ATP8B4: variants seen among roughly 807,000 people sequenced by gnomAD.
ATP8B4 encodes probable phospholipid-transporting ATPase IM.
A neutral mutation model predicts 145.6 loss-of-function variants in ATP8B4; 133 were observed. That is an observed-to-expected ratio of 0.91 (90% CI 0.79 to 1.05). The LOEUF is 1.05. Among genes scored for constraint, ATP8B4 ranks in the 50% least tolerant of loss-of-function variants. The pLI is 0.00. For missense variants in ATP8B4, 1,458 were observed against 1,425.2 expected (o/e 1.02, Z -0.37); for synonymous variants, 507 against 492.9 (o/e 1.03, Z -0.38).
chr15:49,940,677 G>C (rs2042099770), intron 14 of ATP8B4, among the ~76,000 whole-genome samples: 1 of 152,172 alleles, frequency 6.6e-6, no homozygotes, highest in Admixed American at 6.6e-5. Flanking sequence ...GGCCGAAAAT[G>C]AATCTGGAAA....
Position 50,168,858 on chromosome 15 carries a change from A to G in ATP8B4, c.-43+13403T>C, listed in dbSNP as rs896422927. Among the ~76,000 whole-genome samples the G allele has an allele frequency of 2.0e-5, 3 of 152,052 alleles. No homozygotes were observed. In the East Asian group the frequency reaches 5.8e-4, roughly 29 times the overall value. ...GTTGGTGGGGTATGGTGGGAGTGAG[A>G]CCAGCCCTTCAGGTGGCCTGGGAGC... On this transcript the variant is annotated intron_variant, in intron 1 of 3. Coordinates refer to the ATP8B4 transcript ENST00000558829.
intron 7 of ATP8B4, among the ~76,000 whole-genome samples, chr15:50,003,895 G>A (rs1195886263): frequency 2.0e-5 from 3 of 152,124 alleles, no homozygotes; most frequent in Non-Finnish European, 2.9e-5. Flanking sequence ...AGGAACATGT[G>A]ACTGAGGCGC....
chr15:50,171,289 T>C (rs1028815112), intron 1 of ATP8B4, among the ~76,000 whole-genome samples: 1 of 152,198 alleles, frequency 6.6e-6, no homozygotes, highest in African/African-American at 2.4e-5. Flanking sequence ...TCCTCCAAGA[T>C]AGACCATGTG....
intron 1 of ATP8B4, among the ~76,000 whole-genome samples, chr15:50,177,990 T>C (rs1248941596): frequency 6.6e-6 from 1 of 152,118 alleles, no homozygotes. Flanking sequence ...TTCTCTCAAA[T>C]AGCAGAGATA....
intron 24 of ATP8B4, among the ~76,000 whole-genome samples, chr15:49,878,446 G>A (rs528203264): frequency 2.0e-5 from 3 of 152,270 alleles, no homozygotes; most frequent in South Asian, 2.1e-4. Context: ...TGCAATAGAC[G>A]GCTTTGGCCC....
intron 3 of ATP8B4, among the ~76,000 whole-genome samples, chr15:50,057,934 A>C (rs1395907700): frequency 2.0e-5 from 3 of 152,206 alleles, no homozygotes; most frequent in Non-Finnish European, 4.4e-5. Flanking sequence ...TAACATTTTA[A>C]GTAGTTGCAG....
intron 3 of ATP8B4, among the ~76,000 whole-genome samples, chr15:50,073,621 G>C (rs1219155488): frequency 6.6e-6 from 1 of 152,082 alleles, no homozygotes; most frequent in Non-Finnish European, 1.5e-5. Flanking sequence ...GGGATTGCTG[G>C]GTCAAATAGT....
chr15:50,059,567 G>T (rs1446792158), intron 3 of ATP8B4, among the ~76,000 whole-genome samples: 1 of 151,958 alleles, frequency 6.6e-6, no homozygotes, highest in Non-Finnish European at 1.5e-5. Context: ...AAGGGCTCTG[G>T]CTGCAGTTCC....
At chr15:50,010,824 C>T (rs1413666119) in intron 7 of ATP8B4, 21 bp downstream of exon 7, 5 of 1,447,732 alleles carry the variant, frequency 3.5e-6, no homozygotes, top group Non-Finnish European at 4.6e-6. Context: ...ATAAATTATT[C>T]AAACAATATT....
At chr15:49,984,437 G>T (rs1489040283) in intron 10 of ATP8B4, among the ~76,000 whole-genome samples, 1 of 152,120 alleles carries the variant, frequency 6.6e-6, no homozygotes, top group South Asian at 2.1e-4. Flanking sequence ...GGAAACAAAA[G>T]GTTAGTGCAT....
At chr15:50,133,120 C>A (rs1250276047) in intron 1 of ATP8B4, among the ~76,000 whole-genome samples, 1 of 152,088 alleles carries the variant, frequency 6.6e-6, no homozygotes, top group Non-Finnish European at 1.5e-5. Context: ...TTTTAAAAAA[C>A]TTGAAGTTTT....
intron 1 of ATP8B4, among the ~76,000 whole-genome samples, chr15:50,176,948 C>A (rs1187034611): frequency 1.3e-5 from 2 of 152,166 alleles, no homozygotes; most frequent in African/African-American, 2.4e-5. Context: ...AATCTTATCA[C>A]ATACCACCTC....
chr15:49,972,713 G>C lies in ATP8B4; in HGVS notation c.1112C>G (p.Pro371Arg), dbSNP rs77004004. Residue 371 changes from proline to arginine, a missense_variant, in exon 13 of 28, where the codon CCT (proline) becomes CGT (arginine). By Grantham distance (103) the Pro-to-Arg change is moderately radical (BLOSUM62 -2). Coordinates refer to ENST00000284509, the MANE Select transcript of ATP8B4 (RefSeq NM_024837.4). ...GAGCGTGGTCGTTCGAGCCACTGCAGGTATTGCTTTTCGAGAATAATACAT... is the reference window on the plus strand; with the variant it reads ...GAGCGTGGTCGTTCGAGCCACTGCACGTATTGCTTTTCGAGAATAATACAT... Reference protein sequence around the residue: ...RKMYYSRKAIPAVARTTTLNE... With the variant: ...RKMYYSRKAIRAVARTTTLNE... 24 of 1,613,814 alleles carry C rather than the reference G, an allele frequency of 1.5e-5. 1 individual carries two copies. The highest frequency in any genetic ancestry group is 1.2e-4 in the African/African-American group (9 of 74,854).
At chr15:50,002,311 G>T in intron 7 of ATP8B4, 88 bp from the exon 8 acceptor site, 1 of 1,016,808 alleles carries the variant, frequency 9.8e-7, no homozygotes, top group South Asian at 1.5e-5. Context: ...GACTACTAAA[G>T]AGGCAACAGA....
chr15:49,972,525 C>T (rs2045255514), intron 13 of ATP8B4, 57 bp downstream of exon 13: 2 of 1,530,314 alleles, frequency 1.3e-6, no homozygotes, highest in Admixed American at 4.0e-5. Flanking sequence ...TTAATGGGGT[C>T]AGTTATTCAA....
At chr15:50,011,302 T>C (rs1323280038) in intron 6 of ATP8B4, among the ~76,000 whole-genome samples, 3 of 152,124 alleles carry the variant, frequency 2.0e-5, no homozygotes, top group Non-Finnish European at 4.4e-5. Flanking sequence ...TCTATTTAAC[T>C]GGAGGCAAAA....
intron 25 of ATP8B4, among the ~76,000 whole-genome samples, chr15:49,874,099 C>A (rs1237341175): frequency 6.6e-6 from 1 of 152,190 alleles, no homozygotes; most frequent in Non-Finnish European, 1.5e-5. Flanking sequence ...GTCACACTAA[C>A]AGGTGATGTG....
chr15:49,899,944 A>T (rs1006627216), intron 21 of ATP8B4, among the ~76,000 whole-genome samples: 1 of 152,134 alleles, frequency 6.6e-6, no homozygotes, highest in African/African-American at 2.4e-5. Context: ...GAATGGTATA[A>T]ATTATCACCT....
At chr15:50,146,791 G>C (rs2044282935) in intron 1 of ATP8B4, among the ~76,000 whole-genome samples, 1 of 152,154 alleles carries the variant, frequency 6.6e-6, no homozygotes, top group Non-Finnish European at 1.5e-5. Context: ...TAAGGCCAGA[G>C]TCCCTGCTAG....
Sources: allele counts gnomAD v4.1 joint callset (sites outside exome capture counted in the v4.1 genomes callset), GRCh38; gene constraint gnomAD v4.1.1; transcripts MANE v1.5; gene names NCBI Gene and HGNC (gene_info 2026-07-23, HGNC 2026-07-21).